Variants in PDZRN4 observed in about 807,000 individuals in gnomAD.
PDZRN4 encodes the protein PDZ domain containing ring finger 4, also known as PDZ domain-containing RING finger protein 4.
Under a neutral mutation model 99.0 loss-of-function variants are expected in PDZRN4, and 70 were observed. The observed-to-expected ratio is 0.71, with a 90% CI of 0.58 to 0.86. PDZRN4 has a LOEUF of 0.86. Ranked by LOEUF, PDZRN4 falls within the 40% of genes least tolerant of loss-of-function variation. The pLI is 0.00. For missense variants in PDZRN4, 1,474 were observed against 1,331.2 expected (o/e 1.11, Z -1.67); for synonymous variants, 551 against 501.6 (o/e 1.10, Z -1.32).
chr12:41,430,454 C>T (rs187435195), intron 3 of PDZRN4, among the ~76,000 whole-genome samples: 27 of 146,756 alleles, frequency 1.8e-4, no homozygotes, highest in Admixed American at 1.6e-3. Flanking sequence ...GGTGACAGAG[C>T]GAGACTCCAT....
intron 3 of PDZRN4, among the ~76,000 whole-genome samples, chr12:41,214,157 G>A (rs144794570): frequency 3.4e-5 from 5 of 147,910 alleles, no homozygotes; most frequent in East Asian, 2.0e-4. Context: ...ATTGGCTTAC[G>A]CCTCTAATCT....
In PDZRN4 at chr12:41,463,671, T is replaced by C. The variant is rs534428987; in HGVS notation, c.844-42785T>C. ...ACCACATCTATATTTAGCATGTAAC[T>C]CTTGCTGATTCACATAGAAAGGTGC... is the stretch of plus-strand genomic sequence containing the variant. On this transcript the variant is annotated intron_variant, in intron 3 of 9. Transcript: ENST00000402685. Among the ~76,000 whole-genome samples, 5 of 152,274 alleles carry C rather than the reference T, an allele frequency of 3.3e-5. No individual in the cohort carries two copies. The South Asian group carries it at 1.0e-3, about 32-fold the overall frequency.
chr12:41,267,777 G>A (rs998827676), intron 3 of PDZRN4, among the ~76,000 whole-genome samples: 4 of 152,058 alleles, frequency 2.6e-5, no homozygotes, highest in African/African-American at 9.7e-5. Flanking sequence ...GGAGATGGAG[G>A]TTGCAGTGAG....
intron 3 of PDZRN4, among the ~76,000 whole-genome samples, chr12:41,392,347 G>A (rs1004418999): frequency 4.6e-5 from 7 of 151,866 alleles, no homozygotes; most frequent in Non-Finnish European, 8.8e-5. Flanking sequence ...ATTTTTAAAA[G>A]ACCTACTCCT....
intron 3 of PDZRN4, among the ~76,000 whole-genome samples, chr12:41,414,848 G>C (rs1478905424): frequency 1.3e-5 from 2 of 152,092 alleles, no homozygotes; most frequent in Non-Finnish European, 2.9e-5. Context: ...AAATGAGTAG[G>C]CATTTACAAG....
intron 3 of PDZRN4, among the ~76,000 whole-genome samples, chr12:41,471,088 G>C (rs544113768): frequency 6.6e-6 from 1 of 152,300 alleles, no homozygotes; most frequent in Non-Finnish European, 1.5e-5. Flanking sequence ...TGAACACAGC[G>C]GTGGTTGGAA....
At chr12:41,325,282 T>C (rs779765676) in intron 3 of PDZRN4, among the ~76,000 whole-genome samples, 3 of 152,190 alleles carry the variant, frequency 2.0e-5, no homozygotes, top group Non-Finnish European at 2.9e-5. Flanking sequence ...ATGTTAGAAA[T>C]TAACATTTCT....
At chr12:41,464,529 TTGA>T (rs1258609831) in intron 3 of PDZRN4, among the ~76,000 whole-genome samples, 6 of 152,192 alleles carry the variant, frequency 3.9e-5, no homozygotes, top group Non-Finnish European at 7.3e-5. Context: ...GAAATTGTAG[TTGA>T]TGTATTTTTT....
rs553791174 is a variant in PDZRN4 at position 41,572,893 on chromosome 12, G to A, written c.2114G>A (p.Gly705Glu). 8 of 1,614,050 alleles carry A rather than the reference G, an allele frequency of 5.0e-6. No individual in the cohort carries two copies. The highest frequency in any genetic ancestry group is 2.7e-5 in the African/African-American group (2 of 74,912). The change falls in exon 10 of 10, where the codon GGA becomes GAA. Residue 705 changes from glycine to glutamate, a missense_variant. Physicochemically the swap from Gly to Glu is moderately conservative, Grantham distance 98. Transcript: ENST00000402685. ...GGAGACATCTGGACATTGCATGATGGAGGATTCCGGAATTATAACACCAGC... is the reference window on the plus strand; with the variant it reads ...GGAGACATCTGGACATTGCATGATGAAGGATTCCGGAATTATAACACCAGC... ...QYGDIWTLHD[G>E]GFRNYNTSID...
rs560226378 is a variant in PDZRN4, at chr12:41,485,054, C to T, written c.844-21402C>T. ...CCTCCTCAGGGAAAAAACATACTTG[C>T]TCTGGACCCAGGTTTCTGAGTACCA... On this transcript the variant is annotated intron_variant, in intron 3 of 9. Coordinates refer to ENST00000402685, the MANE Select transcript of PDZRN4 (RefSeq NM_001164595.2). 8.5e-5 allele frequency among the ~76,000 whole-genome samples: 13 copies of T among 152,248 alleles called. No individual in the cohort carries two copies. The East Asian group carries it at 2.5e-3, about 29-fold the overall frequency.
At chr12:41,299,095 G>A (rs1055647271) in intron 3 of PDZRN4, among the ~76,000 whole-genome samples, 2 of 152,054 alleles carry the variant, frequency 1.3e-5, no homozygotes, top group African/African-American at 2.4e-5. Flanking sequence ...GCAATAAGCA[G>A]GCAGTGAGCC....
At chr12:41,570,167 T>C (rs960530150) in intron 9 of PDZRN4, among the ~76,000 whole-genome samples, 22 of 152,162 alleles carry the variant, frequency 1.4e-4, no homozygotes, top group Admixed American at 1.3e-4. Flanking sequence ...GGTTAGATTC[T>C]CATTGTGTGG....
chr12:41,454,227 T>A (rs1461627717), intron 3 of PDZRN4, among the ~76,000 whole-genome samples: 1 of 152,202 alleles, frequency 6.6e-6, no homozygotes, highest in Non-Finnish European at 1.5e-5. Flanking sequence ...AACAGCAAGA[T>A]ATCTCTGCAA....
At chr12:41,427,135 T>C (rs187647407) in intron 3 of PDZRN4, among the ~76,000 whole-genome samples, 14 of 152,346 alleles carry the variant, frequency 9.2e-5, no homozygotes, top group Non-Finnish European at 2.1e-4. Context: ...TCTCCCTGGC[T>C]GCCAGTCACT....
intron 3 of PDZRN4, among the ~76,000 whole-genome samples, chr12:41,322,315 T>C (rs966502588): frequency 4.0e-5 from 6 of 151,862 alleles, no homozygotes; most frequent in African/African-American, 1.2e-4. Context: ...CTCGAACCAC[T>C]GTGCTCAGCT....
At chr12:41,499,400 C>T (rs1045993445) in intron 3 of PDZRN4, among the ~76,000 whole-genome samples, 7 of 152,002 alleles carry the variant, frequency 4.6e-5, no homozygotes, top group African/African-American at 1.2e-4. Context: ...AAAACTATGT[C>T]GTGTGCATTT....
Position 41,521,477 on chromosome 12 carries a change from T to C in PDZRN4, c.1203+11564T>C, listed in dbSNP as rs926943122. Among the ~76,000 whole-genome samples the C allele has an allele frequency of 7.9e-5, 12 of 152,022 alleles. No homozygotes were observed. In the East Asian group the frequency reaches 1.4e-3, roughly 17 times the overall value. On this transcript the variant is annotated intron_variant, in intron 5 of 9. Transcript: ENST00000402685. ...AAGGCACAATAAGAGATATTAGAGA[T>C]AGAAATTTGAAATAATGGAAAAACA...
chr12:41,542,565 A>T (rs1238097093), intron 5 of PDZRN4, among the ~76,000 whole-genome samples: 1 of 152,038 alleles, frequency 6.6e-6, no homozygotes, highest in Non-Finnish European at 1.5e-5. Flanking sequence ...CCCCCAACAC[A>T]CACGTTTCCA....
chr12:41,528,504 G>C (rs1206313980), intron 5 of PDZRN4, among the ~76,000 whole-genome samples: 5 of 152,126 alleles, frequency 3.3e-5, no homozygotes, highest in Non-Finnish European at 5.9e-5. Context: ...GCAGGACTTA[G>C]GTCTGCCCAC....
Sources: allele counts gnomAD v4.1 joint callset (sites outside exome capture counted in the v4.1 genomes callset), GRCh38; gene constraint gnomAD v4.1.1; transcripts MANE v1.5; gene names NCBI Gene and HGNC (gene_info 2026-07-23, HGNC 2026-07-21).